The following TAMM41 variants were observed in gnomAD, a reference collection of about 807,000 sequenced individuals.
TAMM41 encodes phosphatidate cytidylyltransferase, mitochondrial.
A neutral mutation model predicts 44.1 loss-of-function variants in TAMM41; 36 were observed. The ratio of observed to expected loss-of-function variants is 0.82; its 90% CI spans 0.63 to 1.08. The LOEUF is 1.08. Ranked by LOEUF, TAMM41 falls within the 50% of genes least tolerant of loss-of-function variation. The pLI is 0.00. For synonymous variants in TAMM41, 164 were observed against 153.1 expected (o/e 1.07, Z -0.53); for missense variants, 417 against 404.3 (o/e 1.03, Z -0.27).
chr3:11,804,976 G>A (rs1179417189), intron 7 of TAMM41, among the ~76,000 whole-genome samples: 1 of 147,928 alleles, frequency 6.8e-6, no homozygotes, highest in Admixed American at 6.8e-5. Flanking sequence ...GACTACGGGC[G>A]CGCACCACCA....
At chr3:11,840,538 T>A (rs1294551294) in intron 2 of TAMM41, among the ~76,000 whole-genome samples, 4 of 152,076 alleles carry the variant, frequency 2.6e-5, no homozygotes, top group Non-Finnish European at 5.9e-5. Flanking sequence ...CCCGGCCTGA[T>A]TAAACTCTTT....
In TAMM41 at chr3:11,808,707, A is replaced by G. The variant is rs112650293; in HGVS notation, c.874+810T>C. 31 of 804,976 alleles carry G rather than the reference A, an allele frequency of 3.9e-5. No homozygotes were observed. The African/African-American group carries it at 5.0e-4, about 13-fold the overall frequency. 49.9% of individuals were successfully genotyped at this position (804,976 alleles called of 1,614,324 possible). A position where few individuals can be genotyped will look rare whatever the true frequency, so the allele number is the denominator to read the frequency against. ...ACCTTAAAGGGAAGTTAGTCTCTGA[A>G]GATAAGGTTCAGGCTCTTTTTTTTG... On this transcript the variant is annotated intron_variant, in intron 6 of 7. Transcript: ENST00000455809.
the TAMM41 span, among the ~76,000 whole-genome samples, chr3:11,766,456 C>A: frequency 1.3e-5 from 2 of 152,082 alleles, no homozygotes; most frequent in African/African-American, 4.8e-5. Flanking sequence ...GTGTGAGCCA[C>A]CGTGCCTAGC....
rs191510620 is a variant in TAMM41, at chr3:11,838,269, C to T, written c.411+953G>A. Among the ~76,000 whole-genome samples the T allele has an allele frequency of 1.2e-4, 18 of 152,280 alleles. No individual in the cohort carries two copies. The East Asian group carries it at 1.4e-3, about 11-fold the overall frequency. ...TCACTCTGTCGCCCAGGCTGGGGTG[C>T]GGTGGTGTGATCTCGGCTCATTGCA... is the stretch of plus-strand genomic sequence containing the variant. On this transcript the variant is annotated intron_variant, in intron 3 of 7. Coordinates refer to ENST00000455809, the MANE Select transcript of TAMM41 (RefSeq NM_001284401.2).
intron 3 of TAMM41, among the ~76,000 whole-genome samples, chr3:11,838,218 G>A (rs960558393): frequency 6.6e-6 from 1 of 152,090 alleles, no homozygotes; most frequent in Non-Finnish European, 1.5e-5. Flanking sequence ...GCAGTTTTTT[G>A]TTGCTGTTGT....
At chr3:11,793,059 CAAAA>C (rs61264653) in intron 7 of TAMM41, among the ~76,000 whole-genome samples, 199 of 65,114 alleles carry the variant, frequency 3.1e-3, no homozygotes, top group Non-Finnish European at 4.3e-3. Flanking sequence ...GGCCCCATCT[CAAAA>C]AAAAAAAAAA....
the TAMM41 span, among the ~76,000 whole-genome samples, chr3:11,781,118 C>T: frequency 6.6e-6 from 1 of 152,184 alleles, no homozygotes; most frequent in East Asian, 1.9e-4. Context: ...AGGCTTTAGA[C>T]TTCTCCTGCT....
At chr3:11,732,503 AAACAT>A in the TAMM41 span, among the ~76,000 whole-genome samples, 1 of 152,250 alleles carries the variant, frequency 6.6e-6, no homozygotes, top group Non-Finnish European at 1.5e-5. Context: ...ATTAGCCAGG[AAACAT>A]AATTTAAGTC....
chr3:11,844,169 C>A lies in TAMM41; in HGVS notation c.178G>T (p.Ala60Ser), dbSNP rs374882230. The A allele has an allele frequency of 6.2e-7, 1 of 1,614,098 alleles. No individual in the cohort carries two copies. The highest frequency in any genetic ancestry group is 2.2e-5 in the East Asian group (1 of 44,888). Reference sequence around the variant, plus strand: ...TTCTTCAGGTTCTTTGAATGCCATGCGACAGGGTCATCTACTGTGAACACA... The same window carrying A: ...TTCTTCAGGTTCTTTGAATGCCATGAGACAGGGTCATCTACTGTGAACACA... ...DFVFTVDDPV[A>S]WHSKNLKKNW... Residue 60 changes from alanine to serine, a missense_variant, in exon 2 of 8, where the codon GCA (alanine) becomes TCA (serine). Physicochemically the swap from Ala to Ser is moderately conservative, Grantham distance 99 (BLOSUM62 1). Coordinates refer to ENST00000455809, the MANE Select transcript of TAMM41 (RefSeq NM_001284401.2).
chr3:11,808,006 C>A, intron 6 of TAMM41, 111 bp from the exon 7 acceptor site: 2 of 1,439,398 alleles, frequency 1.4e-6, no homozygotes, highest in Non-Finnish European at 9.1e-7. Context: ...CCAATCAAAC[C>A]ACCAAATCTA....
At chr3:11,825,542 T>C (rs2078714258) in intron 4 of TAMM41, among the ~76,000 whole-genome samples, 1 of 152,186 alleles carries the variant, frequency 6.6e-6, no homozygotes, top group South Asian at 2.1e-4. Context: ...GAATCCACAC[T>C]TTAGAGAGCT....
the TAMM41 span, among the ~76,000 whole-genome samples, chr3:11,757,210 T>C: frequency 6.6e-6 from 1 of 152,154 alleles, no homozygotes; most frequent in East Asian, 1.9e-4. Flanking sequence ...AGGAGCACGG[T>C]AAGATCCATG....
chr3:11,823,038 T>C (rs116557722), intron 4 of TAMM41, among the ~76,000 whole-genome samples: 1 of 152,156 alleles, frequency 6.6e-6, no homozygotes, highest in African/African-American at 2.4e-5. Flanking sequence ...TCAACACTTG[T>C]TCTTGCCTTT....
downstream of TAMM41, among the ~76,000 whole-genome samples, chr3:11,786,893 CA>C (rs2077421127): frequency 6.6e-6 from 1 of 152,244 alleles, no homozygotes; most frequent in South Asian, 2.1e-4. Flanking sequence ...CACGCCTGGA[CA>C]ACTCAATGAC....
chr3:11,820,669 TAAC>T (rs376652167), intron 4 of TAMM41, among the ~76,000 whole-genome samples: 8 of 152,186 alleles, frequency 5.3e-5, no homozygotes, highest in Middle Eastern at 3.2e-3. Context: ...ACAAAATGAA[TAAC>T]ATCATGGGCA....
downstream of TAMM41, among the ~76,000 whole-genome samples, chr3:11,786,280 T>TTA (rs1226265669): frequency 9.4e-4 from 103 of 109,052 alleles, no homozygotes; most frequent in African/African-American, 3.2e-3. Flanking sequence ...TATTTATTTA[T>TTA]TTAATTTTAT....
At chr3:11,757,839 T>C in the TAMM41 span, among the ~76,000 whole-genome samples, 1 of 152,230 alleles carries the variant, frequency 6.6e-6, no homozygotes, top group Non-Finnish European at 1.5e-5. Flanking sequence ...AGCCTCTTTC[T>C]AATCCTGCTC....
chr3:11,746,377 A>G, the TAMM41 span, among the ~76,000 whole-genome samples: 2 of 152,112 alleles, frequency 1.3e-5, no homozygotes, highest in Admixed American at 6.6e-5. Context: ...TGTTTACCCA[A>G]GAGAAATGTA....
At chr3:11,833,297 G>T in intron 3 of TAMM41, 1 of 453,822 alleles carries the variant, frequency 2.2e-6, no homozygotes, top group Non-Finnish European at 3.1e-6. Context: ...GGCTTAAAGG[G>T]ACTTTCAAAG....
Sources: gnomAD v4.1 joint callset for allele counts (sites outside exome capture counted in the v4.1 genomes callset) on GRCh38, gnomAD v4.1.1 for gene constraint, MANE v1.5 for transcripts, NCBI Gene and HGNC (gene_info 2026-07-23, HGNC 2026-07-21) for gene names.